FBXO21: variants seen among roughly 807,000 people sequenced by gnomAD.
The protein encoded by FBXO21 is F-box only protein 21.
A neutral mutation model predicts 76.6 loss-of-function variants in FBXO21; 32 were observed. The ratio of observed to expected loss-of-function variants is 0.42; its 90% confidence interval spans 0.32 to 0.56. FBXO21 has a LOEUF of 0.56. Among genes scored for constraint, FBXO21 ranks in the 20% least tolerant of loss-of-function variants. FBXO21 has a pLI of 0.16. For synonymous variants in FBXO21, 328 were observed against 311.5 expected, an observed-to-expected ratio of 1.05 and a Z score of -0.56; for missense variants, 586 against 797.3, an observed-to-expected ratio of 0.73 and a Z score of 3.19.
chr12:117,157,847 C>A lies in FBXO21; in HGVS notation c.1517+26G>T, dbSNP rs746251512. 3.8e-6 allele frequency: 6 copies of A among 1,570,370 alleles called. No homozygotes were observed. The South Asian group carries it at 7.2e-5, about 19-fold the overall frequency. On this transcript the variant is annotated intron_variant, in intron 10 of 11. Transcript: ENST00000622495. ...TGCAGCCCCTCTGGAACGGACACTG[C>A]AGGACAGATGATCCCGGGCACTCAC...
At position 117,169,313 on chromosome 12, in the gene FBXO21, C is replaced by G. The variant is rs568219374; in HGVS notation, c.1014-2236G>C. On this transcript the variant is annotated intron_variant, in intron 7 of 11. Coordinates refer to ENST00000622495, the MANE Select transcript of FBXO21 (RefSeq NM_015002.3). ...CAGAGTGGAACAATACACACTGGGG[C>G]CTATCAGAGGGTGGGCGGTGGGAGA... Among the ~76,000 whole-genome samples, 681 of 152,074 alleles carry G rather than the reference C, an allele frequency of 4.5e-3. 5 individuals are homozygous for G. Among genetic ancestry groups the G allele is most frequent in the African/African-American group, 0.015 (639 of 41,494 alleles).
At chr12:117,172,668 T>A in intron 6 of FBXO21, 61 bp from the exon 7 acceptor site, 1 of 1,552,012 alleles carries the variant, frequency 6.4e-7, no homozygotes, top group South Asian at 1.2e-5. Context: ...ATTCTTTCAA[T>A]AAACATTCTC....
At chr12:117,179,345 T>C (rs1326297460) in intron 3 of FBXO21, among the ~76,000 whole-genome samples, 1 of 152,230 alleles carries the variant, frequency 6.6e-6, no homozygotes, top group Non-Finnish European at 1.5e-5. Flanking sequence ...TCTATGGTCA[T>C]CACTTTCTTG....
chr12:117,171,247 A>G (rs1956115422), intron 7 of FBXO21, among the ~76,000 whole-genome samples: 1 of 151,218 alleles, frequency 6.6e-6, no homozygotes, highest in Non-Finnish European at 1.5e-5. Flanking sequence ...GGTCCCAGCT[A>G]CTAGGGAGGC....
Position 117,145,230 on chromosome 12 carries a change from A to C in FBXO21, c.*857T>G, listed in dbSNP as rs538366267. 6.6e-6 allele frequency: 1 copy of C among 152,222 alleles called. No homozygotes were observed. The highest frequency in any genetic ancestry group is 1.9e-4 in the East Asian group (1 of 5,188). The allele number at this position is 152,222 out of a possible 1,614,324, so 9.4% of individuals were successfully genotyped here. On this transcript the variant is annotated 3_prime_UTR_variant, in exon 12 of 12. Coordinates refer to ENST00000622495, the MANE Select transcript of FBXO21 (RefSeq NM_015002.3). ...AAAAAGAACCCATCACTGATGTAAG[A>C]CCTACTCATGATACTGAAGTAGATT...
chr12:117,150,305 T>C (rs1955822954), intron 11 of FBXO21, among the ~76,000 whole-genome samples: 1 of 152,244 alleles, frequency 6.6e-6, no homozygotes, highest in South Asian at 2.1e-4. Flanking sequence ...TGTCTGCTTA[T>C]TTTAACGTTC....
At position 117,190,440 on chromosome 12, in the gene FBXO21, A is replaced by T; in HGVS notation, c.17T>A (p.Val6Asp). The T allele has an allele frequency of 1.4e-6, 2 of 1,391,182 alleles. No individual in the cohort carries two copies. The highest frequency in any genetic ancestry group is 1.9e-6 in the Non-Finnish European group (2 of 1,043,552). The allele number at this position is 1,391,182 out of a possible 1,614,324, so 86.2% of individuals were successfully genotyped here. Reference sequence around the variant, plus strand: ...CGGCACCACCTCCATCGCGCTGTCGACTGCTGCCGCCGCCATCTTGTCCGC... The same window carrying T: ...CGGCACCACCTCCATCGCGCTGTCGTCTGCTGCCGCCGCCATCTTGTCCGC... Reference protein sequence around the residue: MAAAAVDSAMEVVPAL... With the variant: MAAAADDSAMEVVPAL... Residue 6 changes from valine (V) to aspartate (D), a missense_variant, in exon 1 of 12, where the codon GTC (valine) becomes GAC (aspartate). Physicochemically the swap from Val to Asp is radical, Grantham distance 152. This residue lies in a region of FBXO21 where 152 missense variants were observed against 127.2 expected (regional missense o/e 1.19). Transcript: ENST00000622495.
rs1359533888 is a variant in FBXO21, at chr12:117,172,532, G to A, written c.952C>T (p.Pro318Ser). 2 of 1,613,978 alleles carry A rather than the reference G, an allele frequency of 1.2e-6. No homozygotes were observed. The highest frequency in any genetic ancestry group is 1.1e-5 in the South Asian group (1 of 91,046). Residue 318 changes from proline to serine, a missense_variant, in exon 7 of 12, where the codon CCA (proline) becomes TCA (serine). Transcript: ENST00000622495. Reference sequence around the variant, plus strand: ...CTTGGGAAGTTGACAGGCTCCAGTGGGACTCCCAACTGCCGAGCAATTGTC... The same window carrying A: ...CTTGGGAAGTTGACAGGCTCCAGTGAGACTCCCAACTGCCGAGCAATTGTC... ...YLTIARQLGV[P>S]LEPVNFPSHF...
At chr12:117,153,437 T>C (rs1291934262) in intron 11 of FBXO21, among the ~76,000 whole-genome samples, 1 of 152,088 alleles carries the variant, frequency 6.6e-6, no homozygotes, top group Admixed American at 6.6e-5. Flanking sequence ...GTAACAATGT[T>C]GGAGAGAAGA....
Position 117,166,903 on chromosome 12 carries a change from C to T in FBXO21, c.1188G>A (p.Gly396=). The change falls in exon 8 of 12, where the codon GGG becomes GGA. Residue 396 remains glycine, a synonymous_variant. Transcript: ENST00000622495. ...GAAAACCAAGAAAACCTTACCGCTT[C>T]CCCAGGCTTAACAGGTTTCCCACCA... ...QRMVGNLLSL[G]KREGIDQSYQ... 1.9e-6 allele frequency: 3 copies of T among 1,613,880 alleles called. No homozygotes were observed. Among genetic ancestry groups the T allele is most frequent in the Middle Eastern group, 1.6e-4 (1 of 6,062 alleles).
At chr12:117,155,989 G>T (rs1955911578) in intron 10 of FBXO21, 41 bp from the exon 11 acceptor site, 1 of 1,599,062 alleles carries the variant, frequency 6.3e-7, no homozygotes. Context: ...TGCAGACCCG[G>T]CCGCAACAAC....
intron 7 of FBXO21, among the ~76,000 whole-genome samples, chr12:117,169,362 C>T (rs1482566541): frequency 1.3e-5 from 2 of 152,114 alleles, no homozygotes; most frequent in East Asian, 1.9e-4. Context: ...TAACTATGGG[C>T]ACTAGGCTTA....
chr12:117,157,098 G>A (rs891966982), intron 10 of FBXO21, among the ~76,000 whole-genome samples: 3 of 151,602 alleles, frequency 2.0e-5, no homozygotes, highest in African/African-American at 7.3e-5. Context: ...CATGAGAGTC[G>A]CTTGAACTGG....
At chr12:117,185,838 GT>G (rs1956276816) in intron 3 of FBXO21, among the ~76,000 whole-genome samples, 1 of 152,140 alleles carries the variant, frequency 6.6e-6, no homozygotes, top group Non-Finnish European at 1.5e-5. Flanking sequence ...AAGTGGAGAG[GT>G]AATAATGAAG....
At chr12:117,155,412 T>G in intron 11 of FBXO21, 1 of 202,736 alleles carries the variant, frequency 4.9e-6, no homozygotes, top group East Asian at 1.2e-4. Context: ...AGCCACAGCC[T>G]TGGGAGGCCA....
At position 117,157,954 on chromosome 12, in the gene FBXO21, A is replaced by G; in HGVS notation, c.1436T>C (p.Val479Ala). 6.2e-7 allele frequency: 1 copy of G among 1,613,814 alleles called. No individual in the cohort carries two copies. The highest frequency in any genetic ancestry group is 2.2e-5 in the East Asian group (1 of 44,850). ...LEHIERKKEEVGVEVKLRSDE... is the reference protein window; with the variant it reads ...LEHIERKKEEAGVEVKLRSDE... ...GGAGCGCAGCTTCACCTCTACGCCC[A>G]CCTCCTCCTTTTTGCGCTCAATGTG... The change falls in exon 10 of 12, where the codon GTG becomes GCG. Residue 479 changes from valine (V) to alanine (A), a missense_variant. Transcript: ENST00000622495.
rs1206228546 is a variant in FBXO21 at position 117,142,460 on chromosome 12, G to A, written c.*3627C>T. 10 of 152,258 alleles carry A rather than the reference G, an allele frequency of 6.6e-5. No individual in the cohort carries two copies. The highest frequency in any genetic ancestry group is 6.5e-4 in the Admixed American group (10 of 15,280). The allele number at this position is 152,258 out of a possible 1,614,324, so 9.4% of individuals were successfully genotyped here. On this transcript the variant is annotated 3_prime_UTR_variant, in exon 12 of 12. Coordinates refer to ENST00000622495, the MANE Select transcript of FBXO21 (RefSeq NM_015002.3). ...AAAAACAGAGAACATGTGACAGTCT[G>A]TACGTGGCCTGCAAAGCCTAAAATC...
rs1955768610 is a variant in FBXO21 at position 117,146,220 on chromosome 12, T to C, written c.1733A>G (p.Tyr578Cys). 2 of 1,613,844 alleles carry C rather than the reference T, an allele frequency of 1.2e-6. No homozygotes were observed. The highest frequency in any genetic ancestry group is 1.7e-6 in the Non-Finnish European group (2 of 1,179,958). Residue 578 changes from tyrosine to cysteine, a missense_variant, in exon 12 of 12, where the codon TAT becomes TGT. Tyr to Cys is a radical substitution (Grantham distance 194, BLOSUM62 -2). Coordinates refer to ENST00000622495, the MANE Select transcript of FBXO21 (RefSeq NM_015002.3). ...QEISHPDVGR[Y>C]FSEFTGTHYI... ...GTGAGTGCCAGTAAACTCTGAGAAA[T>C]AGCGTCCCACGTCAGGGTGTGAGAT...
chr12:117,181,277 G>A (rs899827024), intron 3 of FBXO21, among the ~76,000 whole-genome samples: 1 of 152,122 alleles, frequency 6.6e-6, no homozygotes, highest in Admixed American at 6.5e-5. Context: ...AGTTTGGCTG[G>A]ATATAAAAAT....
Sources: allele counts gnomAD v4.1 joint callset (sites outside exome capture counted in the v4.1 genomes callset), GRCh38; gene constraint gnomAD v4.1.1; regional missense constraint gnomAD v4.1.1; transcripts MANE v1.5; gene names NCBI Gene and HGNC (gene_info 2026-07-23, HGNC 2026-07-21).